UVSSA: variants seen among roughly 807,000 people sequenced by gnomAD.
UVSSA encodes the protein UV-stimulated scaffold protein A.
Under a neutral mutation model 73.9 loss-of-function variants are expected in UVSSA, and 72 were observed. The ratio of observed to expected loss-of-function variants is 0.97; its 90% confidence interval spans 0.81 to 1.19. The LOEUF (loss-of-function observed/expected upper bound fraction) is 1.19. Among genes scored for constraint, UVSSA ranks in the 50% most tolerant of loss-of-function variants. The probability of loss-of-function intolerance (pLI) is 0.00; values close to 1 mark genes in which losing one functional copy is unlikely to be tolerated. For synonymous variants in UVSSA, 454 were observed against 391.3 expected (o/e 1.16, Z -1.89); for missense variants, 1,150 against 965.0 (o/e 1.19, Z -2.54).
intron 9 of UVSSA, 149 bp downstream of exon 9, chr4:1,375,657 A>G: frequency 7.7e-7 from 1 of 1,301,076 alleles, no homozygotes; most frequent in Non-Finnish European, 1.0e-6. Flanking sequence ...CCGGGTGAGC[A>G]GTGTTGGTGC....
Position 1,375,414 on chromosome 4 carries a change from A to T in UVSSA, c.1339A>T (p.Arg447Trp), listed in dbSNP as rs760237585. ...CACAGTTGTGCGGTGCTTGCGGACG[A>T]GGACGAGGATGGACGAGGAGGTGTC... ...KDTVVRCLRT[R>W]TRMDEEVSDP... Residue 447 changes from arginine to tryptophan, a missense_variant, in exon 9 of 14, where the codon AGG becomes TGG. Transcript: ENST00000389851. The T allele has an allele frequency of 6.2e-7, 1 of 1,613,552 alleles. No individual in the cohort carries two copies. Among genetic ancestry groups the T allele is most frequent in the Non-Finnish European group, 8.5e-7 (1 of 1,180,010 alleles).
upstream of UVSSA, chr4:1,347,184 T>TC (rs568744120): frequency 2.2e-3 from 336 of 150,856 alleles, 1 homozygote; most frequent in African/African-American, 7.8e-3. Context: ...AGAGGGGCGG[T>TC]CCCCCCGCCG....
In UVSSA at chr4:1,394,089, C is replaced by T. The variant is rs1479454561; in HGVS notation, c.*8128C>T. 10 of 300,394 alleles carry T rather than the reference C, an allele frequency of 3.3e-5. No homozygotes were observed. The East Asian group carries it at 8.0e-4, about 24-fold the overall frequency. 18.6% of individuals were successfully genotyped at this position (300,394 alleles called of 1,614,324 possible). A position where few individuals can be genotyped will look rare whatever the true frequency, so the allele number is the denominator to read the frequency against. On this transcript the variant is annotated 3_prime_UTR_variant, in exon 14 of 14. Coordinates refer to the UVSSA transcript ENST00000511216. The stretch of plus-strand genomic sequence containing the variant: ...AGGCAGCTGCCAACTGTGCCTTTGC[C>T]TTCACTTCTTACTTGCACACAGCCA...
At chr4:1,375,950 T>A (rs1718710452) in intron 9 of UVSSA, 84 bp from the exon 10 acceptor site, 1 of 1,534,186 alleles carries the variant, frequency 6.5e-7, no homozygotes, top group African/African-American at 1.4e-5. Context: ...GGCCCCAGCC[T>A]TGCTGTGGGG....
At chr4:1,361,132 C>G (rs1462894288) in intron 7 of UVSSA, among the ~76,000 whole-genome samples, 1 of 152,236 alleles carries the variant, frequency 6.6e-6, no homozygotes, top group East Asian at 1.9e-4. Context: ...AATTTTGCCC[C>G]TAGCCTAGCT....
intron 2 of UVSSA, 58 bp from the exon 3 acceptor site, chr4:1,349,466 T>TC (rs1714323488): frequency 1.3e-6 from 2 of 1,537,700 alleles, no homozygotes; most frequent in Non-Finnish European, 8.9e-7. Context: ...ACGGAGAGTC[T>TC]CCCCCCGCCC....
intron 12 of UVSSA, among the ~76,000 whole-genome samples, chr4:1,381,528 G>A (rs1719500855): frequency 6.6e-6 from 1 of 152,160 alleles, no homozygotes; most frequent in Non-Finnish European, 1.5e-5. Context: ...CATCAGCAGG[G>A]CCCATCTGCC....
intron 5 of UVSSA, among the ~76,000 whole-genome samples, chr4:1,354,040 C>T (rs908559647): frequency 8.6e-5 from 13 of 151,706 alleles, no homozygotes; most frequent in Non-Finnish European, 1.3e-4. Flanking sequence ...GGCTTCAAAT[C>T]GCTCTCTTTG....
intron 8 of UVSSA, among the ~76,000 whole-genome samples, chr4:1,373,047 C>G (rs1718333659): frequency 2.0e-5 from 3 of 152,244 alleles, no homozygotes; most frequent in Admixed American, 6.5e-5. Context: ...TCGTCCTGTG[C>G]CTGCACAAGA....
In UVSSA at chr4:1,353,078, T is replaced by A. The variant is rs1356425822; in HGVS notation, c.599T>A (p.Phe200Tyr). The change falls in exon 5 of 14, where the codon TTT (phenylalanine) becomes TAT (tyrosine). Residue 200 changes from phenylalanine to tyrosine, a missense_variant. Physicochemically the swap from Phe to Tyr is conservative, Grantham distance 22. Coordinates refer to ENST00000389851, the MANE Select transcript of UVSSA (RefSeq NM_020894.4). ...TGCTTGACGGAGGTAGAGAGCTGCT[T>A]TAGGCTGCTGGTGCCTTTTGACTTT... Reference protein sequence around the residue: ...ESCLTEVESCFRLLVPFDFDP... With the variant: ...ESCLTEVESCYRLLVPFDFDP... 6.2e-7 allele frequency: 1 copy of A among 1,613,026 alleles called. No homozygotes were observed.
intron 8 of UVSSA, among the ~76,000 whole-genome samples, chr4:1,372,158 C>CT (rs991757697): frequency 6.6e-6 from 1 of 152,146 alleles, no homozygotes; most frequent in Admixed American, 6.6e-5. Context: ...CGTAGTAAAT[C>CT]TTTTTTCGTC....
At chr4:1,360,703 A>C (rs1421160869) in intron 7 of UVSSA, among the ~76,000 whole-genome samples, 2 of 152,102 alleles carry the variant, frequency 1.3e-5, no homozygotes, top group Non-Finnish European at 2.9e-5. Context: ...GTGACTCACC[A>C]GAGCCCGGGA....
At chr4:1,395,367 AT>A (rs768851484) in exon 14 of UVSSA, 1 of 1,505,366 alleles carries the variant, frequency 6.6e-7, no homozygotes, top group South Asian at 1.2e-5. Context: ...ACATGTGCCG[AT>A]GTGGAGTGCC....
At chr4:1,351,893 C>T in intron 4 of UVSSA, 58 bp downstream of exon 4, 3 of 1,595,504 alleles carry the variant, frequency 1.9e-6, no homozygotes, top group South Asian at 2.2e-5. Context: ...CGTGGTCCAG[C>T]AGTTCATCCT....
chr4:1,366,558 T>A, intron 8 of UVSSA, 127 bp downstream of exon 8: 2 of 647,600 alleles, frequency 3.1e-6, no homozygotes, highest in Non-Finnish European at 5.3e-6. Context: ...TGCTTTGGTT[T>A]AAAATGCTGC....
intron 5 of UVSSA, 118 bp from the exon 6 acceptor site, chr4:1,354,617 G>C: frequency 1.3e-6 from 1 of 795,124 alleles, no homozygotes; most frequent in Non-Finnish European, 2.1e-6. Context: ...GGGCAGGCAT[G>C]GGCGTCTGGC....
intron 7 of UVSSA, chr4:1,359,358 G>A (rs1239501980): frequency 2.0e-5 from 3 of 152,240 alleles, no homozygotes; most frequent in Non-Finnish European, 4.4e-5. Flanking sequence ...CCGCGCTGTA[G>A]GGTGGGTGTG....
chr4:1,362,438 T>C (rs537265041), intron 7 of UVSSA, among the ~76,000 whole-genome samples: 15 of 152,360 alleles, frequency 9.8e-5, no homozygotes, highest in African/African-American at 1.2e-4. Context: ...GCAGGTGACC[T>C]GTGCCTCCCA....
intron 7 of UVSSA, among the ~76,000 whole-genome samples, chr4:1,363,256 G>A (rs1271374659): frequency 6.6e-6 from 1 of 152,144 alleles, no homozygotes; most frequent in African/African-American, 2.4e-5. Context: ...GGAGGGAGAT[G>A]CTCACCGGGA....
Sources: allele counts gnomAD v4.1 joint callset (sites outside exome capture counted in the v4.1 genomes callset), GRCh38; gene constraint gnomAD v4.1.1; transcripts MANE v1.5; gene names NCBI Gene and HGNC (gene_info 2026-07-23, HGNC 2026-07-21).